The following TDRD6 variants were observed in gnomAD, a reference collection of about 807,000 sequenced individuals.
TDRD6 encodes the protein tudor domain-containing protein 6.
TDRD6 carries 186 observed loss-of-function variants against 157.5 expected under a neutral mutation model. That is an observed-to-expected ratio of 1.18 (90% CI 1.05 to 1.33). The LOEUF is 1.33. TDRD6 is among the 40% of genes most tolerant of loss of function. TDRD6 has a pLI of 0.00. For synonymous variants in TDRD6, 1,075 were observed against 945.2 expected (o/e 1.14, Z -2.52); for missense variants, 3,066 against 2,508.0 (o/e 1.22, Z -4.75).
At chr6:46,685,490 T>C (rs138047003), upstream of TDRD6, among the ~76,000 whole-genome samples, 83 of 152,274 alleles carry the variant, frequency 5.5e-4, no homozygotes, top group Middle Eastern at 3.4e-3. Flanking sequence ...GCTCATAATA[T>C]TAGTATTCAA....
rs1167219279 is a variant in TDRD6, at chr6:46,688,675, G to A, written c.547G>A (p.Glu183Lys). 3.7e-6 allele frequency: 6 copies of A among 1,600,130 alleles called. No homozygotes were observed. Among genetic ancestry groups the A allele is most frequent in the Non-Finnish European group, 4.2e-6 (5 of 1,179,880 alleles). The change falls in exon 1 of 4, where the codon GAG becomes AAG. Residue 183 changes from glutamate (E) to lysine (K), a missense_variant. Glu to Lys is a moderately conservative substitution (Grantham distance 56, BLOSUM62 1). Coordinates refer to ENST00000316081, the MANE Select transcript of TDRD6 (RefSeq NM_001010870.3). The part of the protein sequence containing the change: ...VLLLHRLVLL[E>K]VPDVFQQMRE... ...GCTGCTCCATCGCCTGGTCCTCCTG[G>A]AGGTGCCTGATGTGTTCCAACAGAT...
chr6:46,699,253 CT>C (rs1327219615), intron 3 of TDRD6, among the ~76,000 whole-genome samples: 2 of 152,168 alleles, frequency 1.3e-5, no homozygotes, highest in African/African-American at 2.4e-5. Context: ...TCAGCCTCTG[CT>C]CCACCACACA....
chr6:46,688,179 G>A lies in TDRD6; in HGVS notation c.51G>A (p.Arg17=). 6.4e-7 allele frequency: 1 copy of A among 1,551,294 alleles called. No homozygotes were observed. Among genetic ancestry groups the A allele is most frequent in the Admixed American group, 1.9e-5 (1 of 53,356 alleles). ...MPAPGASLAL[R]VSFVDVHPDV... is the part of the protein sequence containing the mutation. ...CGCCGGGGGCCTCGCTGGCCCTGCG[G>A]GTGTCCTTCGTGGACGTGCATCCCG... Residue 17 remains arginine (R), a synonymous_variant, in exon 1 of 4, where the codon CGG becomes CGA. Transcript: ENST00000316081.
chr6:46,695,397 C>T (rs1444368802), intron 1 of TDRD6, among the ~76,000 whole-genome samples: 1 of 152,040 alleles, frequency 6.6e-6, no homozygotes, highest in Non-Finnish European at 1.5e-5. Context: ...AAGTATTACC[C>T]TTGCATTAGA....
chr6:46,684,491 T>C (rs990863207), upstream of TDRD6, among the ~76,000 whole-genome samples: 10 of 152,094 alleles, frequency 6.6e-5, no homozygotes, highest in African/African-American at 2.4e-4. Flanking sequence ...ATGCTATCCC[T>C]TTATAGGCAT....
At position 46,703,711 on chromosome 6, in the gene TDRD6, A is replaced by G. The variant is rs983391132; in HGVS notation, c.*1824A>G. ...TCGTGTTATTCTGTTTTACTACTACATATAGAATTGAAAACATTAAATAAA... is the reference window on the plus strand; with the variant it reads ...TCGTGTTATTCTGTTTTACTACTACGTATAGAATTGAAAACATTAAATAAA... On this transcript the variant is annotated 3_prime_UTR_variant, in exon 4 of 4. Transcript: ENST00000316081. 2 of 152,088 alleles carry G rather than the reference A, an allele frequency of 1.3e-5. No homozygotes were observed. The highest frequency in any genetic ancestry group is 1.5e-5 in the Non-Finnish European group (1 of 67,980). The allele number at this position is 152,088 out of a possible 1,614,324, so 9.4% of individuals were successfully genotyped here.
chr6:46,689,027 G>C lies in TDRD6; in HGVS notation c.899G>C (p.Ser300Thr), dbSNP rs987199229. The change falls in exon 1 of 4, where the codon AGT becomes ACT. Residue 300 changes from serine (S) to threonine (T), a missense_variant. Coordinates refer to ENST00000316081, the MANE Select transcript of TDRD6 (RefSeq NM_001010870.3). ...GGGACAGGGGATGAGAACTCTACCA[G>C]TGCCACCTGGGAGGAGAGGGAGGAG... ...STGTGDENSTSATWEEREESP... is the reference protein window; with the variant it reads ...STGTGDENSTTATWEEREESP... 3.1e-6 allele frequency: 5 copies of C among 1,613,990 alleles called. No individual in the cohort carries two copies. Among genetic ancestry groups the C allele is most frequent in the Non-Finnish European group, 3.4e-6 (4 of 1,179,880 alleles).
Position 46,691,495 on chromosome 6 carries a change from T to A in TDRD6, c.3367T>A (p.Ser1123Thr), listed in dbSNP as rs777837860. The A allele has an allele frequency of 6.2e-7, 1 of 1,613,966 alleles. No homozygotes were observed. The highest frequency in any genetic ancestry group is 8.5e-7 in the Non-Finnish European group (1 of 1,179,976). ...GTTTCAGGAGACTATTTTAGATAAG[T>A]CATTGAAGGCTTTAGTTGTAGCAAA... The part of the protein sequence containing the change: ...VWFQETILDK[S>T]LKALVVAKDP... Residue 1123 changes from serine to threonine, a missense_variant, in exon 1 of 4, where the codon TCA becomes ACA. Transcript: ENST00000316081.
In TDRD6 at chr6:46,702,869, T is replaced by C. The variant is rs562057015; in HGVS notation, c.*982T>C. 1.3e-5 allele frequency: 2 copies of C among 152,256 alleles called. No individual in the cohort carries two copies. Among genetic ancestry groups the C allele is most frequent in the East Asian group, 3.9e-4 (2 of 5,178 alleles). The allele number at this position is 152,256 out of a possible 1,614,324, so 9.4% of individuals were successfully genotyped here. On this transcript the variant is annotated 3_prime_UTR_variant, in exon 4 of 4. Coordinates refer to ENST00000316081, the MANE Select transcript of TDRD6 (RefSeq NM_001010870.3). ...AATATTTTGAACTTTGATCTTCATCTGTAAAGTGGTGATAATAAAACCTTT... is the reference window on the plus strand; with the variant it reads ...AATATTTTGAACTTTGATCTTCATCCGTAAAGTGGTGATAATAAAACCTTT...
rs1475816239 is a variant in TDRD6, at chr6:46,692,284, C to T, written c.4156C>T (p.Gln1386Ter). The change falls in exon 1 of 4, where the codon CAG (glutamine) becomes TAG (stop). Residue 1386 changes from glutamine to a stop codon, truncating the protein, a stop_gained. Transcript: ENST00000316081. LOFTEE classifies it high-confidence loss of function. Reference protein sequence around the residue: ...EQQPNDLLSVQFIDYGNVSVV... With the variant: ...EQQPNDLLSV The stretch of plus-strand genomic sequence containing the variant: ...ACAACCCAATGACCTTCTCTCTGTG[C>T]AGTTTATAGATTATGGCAATGTTTC... 5 of 1,614,032 alleles carry T rather than the reference C, an allele frequency of 3.1e-6. No homozygotes were observed. Among genetic ancestry groups the T allele is most frequent in the Non-Finnish European group, 4.2e-6 (5 of 1,179,980 alleles).
chr6:46,691,125 G>A lies in TDRD6; in HGVS notation c.2997G>A (p.Trp999Ter), dbSNP rs376668840. 6 of 1,613,852 alleles carry A rather than the reference G, an allele frequency of 3.7e-6. No homozygotes were observed. The Admixed American group carries it at 5.0e-5, about 13-fold the overall frequency. Reference protein sequence around the residue: ...LVYITHIDDPWTFYCQLARNA... With the variant: ...LVYITHIDDP ...ATATAACGCATATTGATGACCCTTG[G>A]ACATTTTATTGCCAGCTGGCAAGAA... Residue 999 changes from tryptophan to a stop codon, truncating the protein, a stop_gained, in exon 1 of 4, where the codon TGG (tryptophan) becomes TGA (stop). Coordinates refer to ENST00000316081, the MANE Select transcript of TDRD6 (RefSeq NM_001010870.3). LOFTEE classifies it high-confidence loss of function.
chr6:46,692,366 G>C lies in TDRD6; in HGVS notation c.4238G>C (p.Gly1413Ala), dbSNP rs1420342278. The C allele has an allele frequency of 6.2e-7, 1 of 1,614,014 alleles. No homozygotes were observed. The highest frequency in any genetic ancestry group is 8.5e-7 in the Non-Finnish European group (1 of 1,180,034). Residue 1413 changes from glycine to alanine, a missense_variant, in exon 1 of 4, where the codon GGG becomes GCG. By Grantham distance (60) the Gly-to-Ala change is moderately conservative. Transcript: ENST00000316081. ...GACCTTGTTAATGCAATATTGCCGGGGTTGTGCATTCATTGCTCCTTGCAG... is the reference window on the plus strand; with the variant it reads ...GACCTTGTTAATGCAATATTGCCGGCGTTGTGCATTCATTGCTCCTTGCAG... ...RLDLVNAILP[G>A]LCIHCSLQGF... is the part of the protein sequence containing the mutation.
chr6:46,690,224 CT>C lies in TDRD6; in HGVS notation c.2100del (p.Phe700LeufsTer24). 3.7e-6 allele frequency: 6 copies of C among 1,613,790 alleles called. No homozygotes were observed. The highest frequency in any genetic ancestry group is 5.1e-6 in the Non-Finnish European group (6 of 1,179,978). On this transcript the variant is annotated frameshift_variant, in exon 1 of 4. Transcript: ENST00000316081. LOFTEE classifies it high-confidence loss of function. ...TTTACTACGGAGAGTAACAAAATAC[CT>C]TTTGCCAAGACTGGAGAAGGAGAGC... Reference protein sequence around the residue: ...NHFTTESNKIPFAKTGEGEQK... With the variant: ...NHFTTESNKIXFAKTGEGEQK...
Position 46,690,423 on chromosome 6 carries a change from A to T in TDRD6, c.2295A>T (p.Lys765Asn). 6.2e-7 allele frequency: 1 copy of T among 1,614,076 alleles called. No individual in the cohort carries two copies. ...AAATTAAGCCAGGCTCCTCTAGTAAAGGAGAGCTGGAAGTTGGAAGTACAG... is the reference window on the plus strand; with the variant it reads ...AAATTAAGCCAGGCTCCTCTAGTAATGGAGAGCTGGAAGTTGGAAGTACAG... Reference protein sequence around the residue: ...CLEIKPGSSSKGELEVGSTVE... With the variant: ...CLEIKPGSSSNGELEVGSTVE... Residue 765 changes from lysine (K) to asparagine (N), a missense_variant, in exon 1 of 4, where the codon AAA (lysine) becomes AAT (asparagine). Coordinates refer to ENST00000316081, the MANE Select transcript of TDRD6 (RefSeq NM_001010870.3).
At position 46,689,172 on chromosome 6, in the gene TDRD6, TG is replaced by T; in HGVS notation, c.1046del (p.Gly349GlufsTer5). On this transcript the variant is annotated frameshift_variant, in exon 1 of 4. Coordinates refer to ENST00000316081, the MANE Select transcript of TDRD6 (RefSeq NM_001010870.3). LOFTEE classifies it high-confidence loss of function. ...GTGCCCAGGTGCTTCATGTGGACTA[TG>T]GAAGGAAGGAGTTAGTGAGTTGCAG... ...RCAQVLHVDY[G>X]RKELVSCSSL... The T allele has an allele frequency of 6.2e-7, 1 of 1,614,158 alleles. No homozygotes were observed.
rs1764644925 is a variant in TDRD6, at chr6:46,702,335, G to A, written c.*448G>A. On this transcript the variant is annotated 3_prime_UTR_variant, in exon 4 of 4. Transcript: ENST00000316081. ...CTTGACTTTGAATCTTTGCCTGTTTGTCTAAACATTTGACTAACATTCTGT... is the reference window on the plus strand; with the variant it reads ...CTTGACTTTGAATCTTTGCCTGTTTATCTAAACATTTGACTAACATTCTGT... 6.6e-6 allele frequency: 1 copy of A among 152,418 alleles called. No individual in the cohort carries two copies. Among genetic ancestry groups the A allele is most frequent in the South Asian group, 2.1e-4 (1 of 4,822 alleles). 9.4% of individuals were successfully genotyped at this position (152,418 alleles called of 1,614,324 possible).
In TDRD6 at chr6:46,703,107, A is replaced by T. The variant is rs1764663748; in HGVS notation, c.*1220A>T. The T allele has an allele frequency of 6.6e-6, 1 of 152,050 alleles. No individual in the cohort carries two copies. Among genetic ancestry groups the T allele is most frequent in the African/African-American group, 2.4e-5 (1 of 41,442 alleles). 9.4% of individuals were successfully genotyped at this position (152,050 alleles called of 1,614,324 possible). On this transcript the variant is annotated 3_prime_UTR_variant, in exon 4 of 4. Transcript: ENST00000316081. The stretch of plus-strand genomic sequence containing the variant: ...CCACCAACAAAAGACTGTAAAAAAC[A>T]AACAAACAAAAAAGTGTTGAATGGG...
the TDRD6 span, chr6:46,681,432 T>G: frequency 1.8e-4 from 78 of 434,134 alleles, no homozygotes; most frequent in Non-Finnish European, 2.4e-5. Context: ...ATTGATGCCA[T>G]ATACATGAAC....
intron 3 of TDRD6, 137 bp from the exon 4 acceptor site, chr6:46,701,721 C>A: frequency 1.4e-6 from 1 of 698,744 alleles, no homozygotes; most frequent in Non-Finnish European, 2.4e-6. Flanking sequence ...AAATAATGCC[C>A]TATAGTAATT....
Sources: allele counts gnomAD v4.1 joint callset (sites outside exome capture counted in the v4.1 genomes callset), GRCh38; gene constraint gnomAD v4.1.1; transcripts MANE v1.5; gene names NCBI Gene and HGNC (gene_info 2026-07-23, HGNC 2026-07-21).